Variants in CENPP observed in about 807,000 individuals in gnomAD.
CENPP encodes the protein centromere protein P.
CENPP carries 24 observed loss-of-function variants against 35.6 expected under a neutral mutation model. The ratio of observed to expected loss-of-function variants is 0.67; its 90% CI spans 0.49 to 0.95. The LOEUF (loss-of-function observed/expected upper bound fraction) is 0.95. Among genes scored for constraint, CENPP ranks in the 40% least tolerant of loss-of-function variants. The pLI is 0.00. For missense variants in CENPP, 332 were observed against 345.3 expected (o/e 0.96, Z 0.31); for synonymous variants, 120 against 125.5 (o/e 0.96, Z 0.29).
chr9:92,341,187 T>A (rs1468403960), intron 3 of CENPP, among the ~76,000 whole-genome samples: 2 of 152,176 alleles, frequency 1.3e-5, no homozygotes, highest in African/African-American at 4.8e-5. Flanking sequence ...TTCAGACCAG[T>A]TGATCTCAAA....
rs767551123 is a variant in CENPP at position 92,505,707 on chromosome 9, T to C, written c.565-105607T>C. ...GATTTAAGTCTATAAAAAATAAAAG[T>C]ATTAGAATATTAGGATAATTGAAAA... On this transcript the variant is annotated intron_variant, in intron 5 of 7. Coordinates refer to ENST00000375587, the MANE Select transcript of CENPP (RefSeq NM_001012267.3). 9 of 1,530,896 alleles carry C rather than the reference T, an allele frequency of 5.9e-6. No individual in the cohort carries two copies. In the South Asian group the frequency reaches 1.1e-4, roughly 19 times the overall value. 94.8% of individuals were successfully genotyped at this position (1,530,896 alleles called of 1,614,324 possible).
intron 5 of CENPP, among the ~76,000 whole-genome samples, chr9:92,552,190 T>TATATGTGATATGATAGATCTATCATAC (rs149273612): frequency 1.9e-5 from 2 of 106,404 alleles, no homozygotes; most frequent in Non-Finnish European, 3.9e-5. Flanking sequence ...ATCTATCATA[T>TATATGTGATATGATAGATCTATCATAC]ACACACACAC....
chr9:92,406,445 T>G (rs1843311236), intron 5 of CENPP, among the ~76,000 whole-genome samples: 1 of 152,254 alleles, frequency 6.6e-6, no homozygotes, highest in South Asian at 2.1e-4. Context: ...AACATTCCTC[T>G]AATGTTGCAT....
chr9:92,371,564 T>A (rs1842004567), intron 4 of CENPP, among the ~76,000 whole-genome samples: 1 of 152,172 alleles, frequency 6.6e-6, no homozygotes, highest in South Asian at 2.1e-4. Flanking sequence ...TACGTTCTGA[T>A]GAAAAGAATG....
chr9:92,336,331 C>T (rs1291096218), intron 2 of CENPP, among the ~76,000 whole-genome samples: 1 of 152,132 alleles, frequency 6.6e-6, no homozygotes, highest in East Asian at 1.9e-4. Flanking sequence ...AATCTTTAAC[C>T]AGTCTTCCTA....
intron 5 of CENPP, among the ~76,000 whole-genome samples, chr9:92,482,041 G>T (rs952835693): frequency 6.6e-6 from 1 of 151,360 alleles, no homozygotes; most frequent in Non-Finnish European, 1.5e-5. Flanking sequence ...CATAATGACA[G>T]GTTTTCACTT....
chr9:92,335,375 A>G (rs1840893739), intron 2 of CENPP, among the ~76,000 whole-genome samples: 1 of 152,142 alleles, frequency 6.6e-6, no homozygotes, highest in Non-Finnish European at 1.5e-5. Context: ...TATGCAAAAT[A>G]AAGTGGTTGC....
At chr9:92,543,211 C>T (rs1183998641) in intron 5 of CENPP, among the ~76,000 whole-genome samples, 2 of 152,104 alleles carry the variant, frequency 1.3e-5, no homozygotes. Flanking sequence ...GTGGCTCACA[C>T]CTGTAATCCA....
chr9:92,600,134 C>A, intron 5 of CENPP: 1 of 463,494 alleles, frequency 2.2e-6, no homozygotes, highest in Non-Finnish European at 3.5e-6. Flanking sequence ...ACACTGAAGT[C>A]TGAAGTTTGC....
At chr9:92,540,435 C>CAAAAA (rs35325216) in intron 5 of CENPP, among the ~76,000 whole-genome samples, 1 of 117,698 alleles carries the variant, frequency 8.5e-6, no homozygotes, top group Non-Finnish European at 1.8e-5. Flanking sequence ...GAGACTGTCT[C>CAAAAA]AAAAAAAAAA....
intron 5 of CENPP, among the ~76,000 whole-genome samples, chr9:92,452,472 T>C (rs1359517680): frequency 6.6e-6 from 1 of 152,226 alleles, no homozygotes; most frequent in Non-Finnish European, 1.5e-5. Context: ...GTAGATAAGC[T>C]TTTTGATGTG....
At chr9:92,426,445 G>C (rs1843969098) in intron 5 of CENPP, among the ~76,000 whole-genome samples, 1 of 152,174 alleles carries the variant, frequency 6.6e-6, no homozygotes, top group African/African-American at 2.4e-5. Flanking sequence ...ACTTTGTGCA[G>C]ATTTTAGATG....
intron 5 of CENPP, among the ~76,000 whole-genome samples, chr9:92,405,960 G>A (rs2130939302): frequency 6.6e-6 from 1 of 152,280 alleles, no homozygotes; most frequent in South Asian, 2.1e-4. Flanking sequence ...TAGCCTCTAA[G>A]TCAGCAGGAA....
In CENPP at chr9:92,517,525, C is replaced by T. The variant is rs1847802330; in HGVS notation, c.565-93789C>T. ...TCTATTATTTATATCCCCTACCATA[C>T]ATTTTCCCAGATATTTTCTATGTTA... On this transcript the variant is annotated intron_variant, in intron 5 of 7. Coordinates refer to ENST00000375587, the MANE Select transcript of CENPP (RefSeq NM_001012267.3). 4.3e-6 allele frequency: 4 copies of T among 930,170 alleles called. No homozygotes were observed. The South Asian group carries it at 6.4e-5, about 15-fold the overall frequency. 57.6% of individuals were successfully genotyped at this position (930,170 alleles called of 1,614,324 possible). A position where few individuals can be genotyped will look rare whatever the true frequency, so the allele number is the denominator to read the frequency against.
At chr9:92,492,167 G>T (rs917637856) in intron 5 of CENPP, among the ~76,000 whole-genome samples, 22 of 152,134 alleles carry the variant, frequency 1.4e-4, no homozygotes, top group Non-Finnish European at 5.9e-5. Context: ...TTTGCCTGAA[G>T]CACTATGCCT....
At chr9:92,416,486 TG>T in intron 5 of CENPP, 1 of 585,908 alleles carries the variant, frequency 1.7e-6, no homozygotes, top group Admixed American at 3.3e-5. Context: ...GGCAGATTTC[TG>T]CCATTCCCTT....
At chr9:92,612,231 T>G (rs942070608) in intron 6 of CENPP, among the ~76,000 whole-genome samples, 4 of 152,232 alleles carry the variant, frequency 2.6e-5, no homozygotes, top group Non-Finnish European at 4.4e-5. Flanking sequence ...CAAAGTGGCT[T>G]GTCCATGTCT....
chr9:92,597,663 A>C (rs1010373928), intron 5 of CENPP, among the ~76,000 whole-genome samples: 12 of 152,188 alleles, frequency 7.9e-5, no homozygotes, highest in Non-Finnish European at 2.9e-5. Context: ...TAGCTTCTTC[A>C]TTATCATTTC....
chr9:92,417,561 T>G, intron 5 of CENPP: 2 of 1,544,146 alleles, frequency 1.3e-6, no homozygotes, highest in South Asian at 2.4e-5. Flanking sequence ...AAACCCATCT[T>G]CTTTTTTTTT....
Sources: gnomAD v4.1 joint callset for allele counts (sites outside exome capture counted in the v4.1 genomes callset) on GRCh38, gnomAD v4.1.1 for gene constraint, MANE v1.5 for transcripts, NCBI Gene and HGNC (gene_info 2026-07-23, HGNC 2026-07-21) for gene names.